Variants in PARD3B observed in about 807,000 individuals in gnomAD.
PARD3B encodes the protein par-3 family cell polarity regulator beta, also known as partitioning defective 3 homolog B.
A neutral mutation model predicts 130.2 loss-of-function variants in PARD3B; 103 were observed. The ratio of observed to expected loss-of-function variants is 0.79; its 90% CI spans 0.67 to 0.93. The LOEUF (loss-of-function observed/expected upper bound fraction) is 0.93. PARD3B is among the 40% of genes least tolerant of loss of function. The pLI is 0.00. For synonymous variants in PARD3B, 583 were observed against 553.2 expected (o/e 1.05, Z -0.76); for missense variants, 1,609 against 1,499.2 (o/e 1.07, Z -1.21).
intron 1 of PARD3B, among the ~76,000 whole-genome samples, chr2:204,559,995 A>C (rs1278694028): frequency 6.6e-6 from 1 of 151,602 alleles, no homozygotes; most frequent in Non-Finnish European, 1.5e-5. Context: ...CAATGAGAAC[A>C]CTTGGACACA....
intron 18 of PARD3B, among the ~76,000 whole-genome samples, chr2:205,365,577 G>C (rs1476501083): frequency 1.9e-5 from 2 of 103,708 alleles, no homozygotes; most frequent in Non-Finnish European, 1.8e-5. Flanking sequence ...TAATCTACAG[G>C]AAAGGGAAAA....
chr2:205,413,960 G>T (rs189036699), intron 19 of PARD3B, among the ~76,000 whole-genome samples: 34 of 152,214 alleles, frequency 2.2e-4, no homozygotes, highest in African/African-American at 6.0e-4. Context: ...AATTGAATTT[G>T]GTTGTATGGA....
At chr2:204,640,413 G>T (rs559224742) in intron 1 of PARD3B, among the ~76,000 whole-genome samples, 27 of 145,874 alleles carry the variant, frequency 1.9e-4, no homozygotes, top group African/African-American at 2.5e-4. Context: ...TAGGACAATG[G>T]GGGAGAGCAG....
At chr2:204,735,246 C>T (rs1490822245) in intron 2 of PARD3B, among the ~76,000 whole-genome samples, 1 of 152,036 alleles carries the variant, frequency 6.6e-6, no homozygotes, top group Admixed American at 6.6e-5. Context: ...TAGCAATGAA[C>T]AACCTGACAC....
chr2:204,865,342 C>T (rs1259678187), intron 2 of PARD3B, among the ~76,000 whole-genome samples: 11 of 152,200 alleles, frequency 7.2e-5, no homozygotes, highest in African/African-American at 2.4e-5. Context: ...GCACAATTTG[C>T]AATCAGGAAA....
At chr2:204,753,745 A>T (rs1446764346) in intron 2 of PARD3B, among the ~76,000 whole-genome samples, 1 of 152,112 alleles carries the variant, frequency 6.6e-6, no homozygotes, top group Non-Finnish European at 1.5e-5. Flanking sequence ...CACACAATGA[A>T]ATACTTTATT....
intron 20 of PARD3B, among the ~76,000 whole-genome samples, chr2:205,456,966 A>G (rs1437349005): frequency 6.6e-6 from 1 of 151,188 alleles, no homozygotes; most frequent in Non-Finnish European, 1.5e-5. Context: ...AATTATATAT[A>G]TTTAATTCAT....
intron 1 of PARD3B, among the ~76,000 whole-genome samples, chr2:204,645,140 C>T (rs1468857357): frequency 6.6e-6 from 1 of 152,068 alleles, no homozygotes. Context: ...TTGACAGTCA[C>T]CCATATCCTG....
intron 2 of PARD3B, among the ~76,000 whole-genome samples, chr2:204,797,136 C>T (rs1559152158): frequency 1.4e-5 from 2 of 140,560 alleles, no homozygotes; most frequent in Non-Finnish European, 3.0e-5. Context: ...GATCATGCCA[C>T]TGCACTCCAG....
intron 2 of PARD3B, among the ~76,000 whole-genome samples, chr2:204,930,202 G>GT (rs894008535): frequency 6.0e-4 from 88 of 147,008 alleles, no homozygotes; most frequent in African/African-American, 1.0e-3. Context: ...TACATTCTAT[G>GT]TTTTTTTTTT....
At chr2:204,926,192 A>G (rs941818222) in intron 2 of PARD3B, among the ~76,000 whole-genome samples, 1 of 152,036 alleles carries the variant, frequency 6.6e-6, no homozygotes, top group African/African-American at 2.4e-5. Flanking sequence ...AAGACCACAC[A>G]CAAAGTAATC....
chr2:204,811,832 A>G (rs900407662), intron 2 of PARD3B, among the ~76,000 whole-genome samples: 1 of 152,070 alleles, frequency 6.6e-6, no homozygotes, highest in Non-Finnish European at 1.5e-5. Flanking sequence ...AAAACAAAAA[A>G]CTAATGTTTG....
Position 204,907,259 on chromosome 2 carries a change from G to A in PARD3B, c.223-57893G>A, listed in dbSNP as rs115967416. On this transcript the variant is annotated intron_variant, in intron 2 of 22. Coordinates refer to ENST00000406610, the MANE Select transcript of PARD3B (RefSeq NM_001302769.2). The surrounding 1 kb of genome is among the most constrained non-coding windows in gnomAD (Gnocchi z 5.7). Reference sequence around the variant, plus strand: ...CCTCCCAAAGTGCTGGGATTACCATGAAAGCTTTTATTTAGCAACTGGGAA... The same window carrying A: ...CCTCCCAAAGTGCTGGGATTACCATAAAAGCTTTTATTTAGCAACTGGGAA... 4.3e-3 allele frequency among the ~76,000 whole-genome samples: 658 copies of A among 152,174 alleles called. 4 individuals carry two copies. Among genetic ancestry groups the A allele is most frequent in the African/African-American group, 0.015 (630 of 41,530 alleles).
At chr2:205,496,121 T>C (rs1481161677) in intron 20 of PARD3B, among the ~76,000 whole-genome samples, 2 of 152,222 alleles carry the variant, frequency 1.3e-5, no homozygotes, top group East Asian at 1.9e-4. Flanking sequence ...CAATAAATTA[T>C]AACCATTATG....
intron 1 of PARD3B, among the ~76,000 whole-genome samples, chr2:204,671,355 G>C (rs957597232): frequency 4.6e-4 from 70 of 152,182 alleles, no homozygotes; most frequent in African/African-American, 1.5e-3. Context: ...GTGAGATGGT[G>C]GGGGGCACCT....
intron 15 of PARD3B, among the ~76,000 whole-genome samples, chr2:205,206,630 G>C (rs1483340635): frequency 6.6e-6 from 1 of 151,396 alleles, no homozygotes; most frequent in Non-Finnish European, 1.5e-5. Context: ...TGGACATTTG[G>C]CTTGGTTCCA....
At chr2:205,182,595 T>G (rs2035856556) in intron 13 of PARD3B, among the ~76,000 whole-genome samples, 1 of 152,150 alleles carries the variant, frequency 6.6e-6, no homozygotes, top group Non-Finnish European at 1.5e-5. Flanking sequence ...AGATAATAGC[T>G]TGATAGAACA....
chr2:204,972,761 C>G (rs747628930), intron 3 of PARD3B, among the ~76,000 whole-genome samples: 8 of 152,160 alleles, frequency 5.3e-5, no homozygotes, highest in Non-Finnish European at 1.2e-4. Flanking sequence ...CTTACCAATG[C>G]TGGACCCACA....
chr2:205,344,614 T>C (rs2043680183), intron 18 of PARD3B, among the ~76,000 whole-genome samples: 1 of 152,214 alleles, frequency 6.6e-6, no homozygotes, highest in Non-Finnish European at 1.5e-5. Context: ...ATGCGGAACA[T>C]ACTCTTCAAT....
Sources: gnomAD v4.1 joint callset for allele counts (sites outside exome capture counted in the v4.1 genomes callset) on GRCh38, gnomAD v4.1.1 for gene constraint, Gnocchi (gnomAD v3.1) non-coding constraint, MANE v1.5 for transcripts, NCBI Gene and HGNC (gene_info 2026-07-23, HGNC 2026-07-21) for gene names.